JMJD1C: variants seen among roughly 807,000 people sequenced by gnomAD.
JMJD1C encodes the protein jumonji domain containing 1C, also known as jumonji domain-containing protein 1C.
JMJD1C carries 31 observed loss-of-function variants against 245.3 expected under a neutral mutation model. That is an observed-to-expected ratio of 0.13 (90% CI 0.09 to 0.17). The LOEUF (loss-of-function observed/expected upper bound fraction) is 0.17, where lower values mean the gene tolerates loss of function less well. JMJD1C is among the 10% of genes least tolerant of loss of function. The probability of loss-of-function intolerance (pLI) is 1.00; values close to 1 mark genes in which losing one functional copy is unlikely to be tolerated. For missense variants in JMJD1C, 2,691 were observed against 3,000.2 expected, an observed-to-expected ratio of 0.90 and a Z score of 2.41; for synonymous variants, 1,057 against 1,017.4, an observed-to-expected ratio of 1.04 and a Z score of -0.74.
At chr10:63,242,262 A>G (rs992835900) in intron 3 of JMJD1C, among the ~76,000 whole-genome samples, 2 of 152,218 alleles carry the variant, frequency 1.3e-5, no homozygotes, top group Non-Finnish European at 2.9e-5. Flanking sequence ...TTTCTACAGC[A>G]TAAATGGTAT....
chr10:63,310,362 C>T (rs1167854813), intron 2 of JMJD1C, among the ~76,000 whole-genome samples: 1 of 152,188 alleles, frequency 6.6e-6, no homozygotes, highest in African/African-American at 2.4e-5. Flanking sequence ...GAACGCTTGC[C>T]TTGCCAGATA....
chr10:63,214,626 T>C lies in JMJD1C; in HGVS notation c.1541A>G (p.Asn514Ser), dbSNP rs1315093105. 6 of 1,614,064 alleles carry C rather than the reference T, an allele frequency of 3.7e-6. No individual in the cohort carries two copies. In the African/African-American group the frequency reaches 5.3e-5, roughly 14 times the overall value. Residue 514 changes from asparagine (N) to serine (S), a missense_variant, in exon 8 of 26, where the codon AAT becomes AGT. By Grantham distance (46) the Asn-to-Ser change is conservative. This residue lies in a region of JMJD1C where 1,562 missense variants were observed against 1,490.7 expected (regional missense o/e 1.05). Transcript: ENST00000399262. ...PTPKCVIDITNDTNLEKVAQE... is the reference protein window; with the variant it reads ...PTPKCVIDITSDTNLEKVAQE... ...AGCCACCTTTTCTAAATTAGTGTCATTTGTAATATCAATAACACATTTTGG... is the reference window on the plus strand; with the variant it reads ...AGCCACCTTTTCTAAATTAGTGTCACTTGTAATATCAATAACACATTTTGG...
intron 2 of JMJD1C, among the ~76,000 whole-genome samples, chr10:63,311,778 T>C (rs1939232459): frequency 5.3e-5 from 8 of 152,120 alleles, no homozygotes; most frequent in Admixed American, 4.6e-4. Flanking sequence ...TGATTACTGA[T>C]GGAGAAAGAG....
chr10:63,278,481 G>A (rs114287418), intron 2 of JMJD1C, among the ~76,000 whole-genome samples: 3,815 of 151,532 alleles, frequency 0.025, 169 homozygotes, highest in African/African-American at 0.088. Flanking sequence ...CTGAGATTAC[G>A]CCACTGCACT....
In JMJD1C at chr10:63,168,047, A is replaced by AATTTTCTTC; in HGVS notation, c.7612_7620dup (p.Glu2538_Asn2540dup). 1 of 1,552,800 alleles carries AATTTTCTTC rather than the reference A, an allele frequency of 6.4e-7. No individual in the cohort carries two copies. The highest frequency in any genetic ancestry group is 8.9e-7 in the Non-Finnish European group (1 of 1,124,880). ...AAAAATATCAAACTGGATCACACTT[A>AATTTTCTTC]ATTTTCTTCCATATCCTCTACTTCA... On this transcript the variant is annotated inframe_insertion, in exon 26 of 26. Transcript: ENST00000399262.
At chr10:63,182,197 A>G (rs1391902376) in intron 22 of JMJD1C, among the ~76,000 whole-genome samples, 2 of 152,240 alleles carry the variant, frequency 1.3e-5, no homozygotes, top group African/African-American at 4.8e-5. Flanking sequence ...AATTTCACAG[A>G]AAGTGCATGT....
chr10:63,331,802 T>A (rs1425842405), intron 2 of JMJD1C, among the ~76,000 whole-genome samples: 1 of 152,130 alleles, frequency 6.6e-6, no homozygotes, highest in Non-Finnish European at 1.5e-5. Flanking sequence ...GTATTTTTAG[T>A]AGAGATGGGG....
At chr10:63,186,061 T>C (rs983364849) in intron 19 of JMJD1C, among the ~76,000 whole-genome samples, 154 bp downstream of exon 19, 4 of 152,240 alleles carry the variant, frequency 2.6e-5, no homozygotes, top group African/African-American at 4.8e-5. Context: ...AAATAGGGAT[T>C]AGGACCCAGT....
At position 63,191,071 on chromosome 10, in the gene JMJD1C, T is replaced by A. The variant is rs1844739688; in HGVS notation, c.6114A>T (p.Glu2038Asp). 6.2e-7 allele frequency: 1 copy of A among 1,614,002 alleles called. No homozygotes were observed. Among genetic ancestry groups the A allele is most frequent in the Non-Finnish European group, 8.5e-7 (1 of 1,179,804 alleles). Residue 2038 changes from glutamate (E) to aspartate (D), a missense_variant, in exon 17 of 26, where the codon GAA becomes GAT. Physicochemically the swap from Glu to Asp is conservative, Grantham distance 45 (BLOSUM62 2). Coordinates refer to ENST00000399262, the MANE Select transcript of JMJD1C (RefSeq NM_032776.3). ...ATTCAGAGTTGTCTTGTTCTCTTTCTTCTTTAATTTGGTTTTCAAGGGTAA... is the reference window on the plus strand; with the variant it reads ...ATTCAGAGTTGTCTTGTTCTCTTTCATCTTTAATTTGGTTTTCAAGGGTAA... ...KELTLENQIK[E>D]EREQDNSESP... is the part of the protein sequence containing the mutation.
At chr10:63,180,974 T>C (rs1298544451) in intron 22 of JMJD1C, among the ~76,000 whole-genome samples, 3 of 152,066 alleles carry the variant, frequency 2.0e-5, no homozygotes, top group African/African-American at 7.2e-5. Context: ...TTCACCGTTT[T>C]AGCTGGGATG....
At chr10:63,238,516 G>A (rs1334546341) in intron 3 of JMJD1C, among the ~76,000 whole-genome samples, 3 of 152,026 alleles carry the variant, frequency 2.0e-5, no homozygotes, top group Non-Finnish European at 2.9e-5. Context: ...ATAACATACT[G>A]AACATAAGGT....
At chr10:63,242,567 A>T (rs1028558350) in intron 3 of JMJD1C, among the ~76,000 whole-genome samples, 1 of 152,088 alleles carries the variant, frequency 6.6e-6, no homozygotes, top group African/African-American at 2.4e-5. Context: ...CTCTTCTAAA[A>T]ATACAAAAAT....
At chr10:63,350,497 CACA>C (rs752369083) in intron 2 of JMJD1C, among the ~76,000 whole-genome samples, 37 of 152,020 alleles carry the variant, frequency 2.4e-4, no homozygotes, top group Admixed American at 3.9e-4. Flanking sequence ...ATTTAAAACT[CACA>C]ACATTACTAT....
rs372289276 is a variant in JMJD1C, at chr10:63,343,561, T to C, written c.333+36757A>G. Among the ~76,000 whole-genome samples, 50 of 152,246 alleles carry C rather than the reference T, an allele frequency of 3.3e-4. 1 individual carries two copies. The South Asian group carries it at 9.5e-3, about 29-fold the overall frequency. On this transcript the variant is annotated intron_variant, in intron 2 of 25. Coordinates refer to ENST00000399262, the MANE Select transcript of JMJD1C (RefSeq NM_032776.3). ...CCTTACATCGCTGCTTCTACTCTAATCATCTTAGCTTGAATGTAAAATATG... is the reference window on the plus strand; with the variant it reads ...CCTTACATCGCTGCTTCTACTCTAACCATCTTAGCTTGAATGTAAAATATG...
intron 3 of JMJD1C, among the ~76,000 whole-genome samples, chr10:63,258,030 AG>A (rs759382904): frequency 1.1e-3 from 173 of 152,298 alleles, no homozygotes; most frequent in Non-Finnish European, 1.9e-3. Context: ...TGTGAATGGT[AG>A]GAAGAGAAAG....
At chr10:63,383,630 G>A (rs555737194) in intron 1 of JMJD1C, among the ~76,000 whole-genome samples, 3 of 152,272 alleles carry the variant, frequency 2.0e-5, no homozygotes, top group African/African-American at 7.2e-5. Flanking sequence ...AGCCAGGGAG[G>A]TTGAGGCTGC....
At chr10:63,297,852 G>A (rs966077231) in intron 2 of JMJD1C, among the ~76,000 whole-genome samples, 8 of 152,176 alleles carry the variant, frequency 5.3e-5, no homozygotes, top group Non-Finnish European at 1.0e-4. Flanking sequence ...TGCAGGTGAC[G>A]AGAAAGAAAG....
intron 17 of JMJD1C, among the ~76,000 whole-genome samples, chr10:63,190,673 T>G (rs2132971950): frequency 6.6e-6 from 1 of 152,284 alleles, no homozygotes; most frequent in East Asian, 1.9e-4. Context: ...AGGGACCTTC[T>G]GGAATCGAAG....
At chr10:63,199,308 A>C (rs1376091699) in intron 11 of JMJD1C, among the ~76,000 whole-genome samples, 3 of 152,140 alleles carry the variant, frequency 2.0e-5, no homozygotes, top group Admixed American at 2.0e-4. Context: ...GTTTATGGTA[A>C]ACGGAAGGCA....
Sources: gnomAD v4.1 joint callset for allele counts (sites outside exome capture counted in the v4.1 genomes callset) on GRCh38, gnomAD v4.1.1 for gene constraint, gnomAD v4.1.1 regional missense constraint, MANE v1.5 for transcripts, NCBI Gene and HGNC (gene_info 2026-07-23, HGNC 2026-07-21) for gene names.